Variants in MAP3K5 observed in about 807,000 individuals in gnomAD.
MAP3K5 encodes mitogen-activated protein kinase kinase kinase 5.
In MAP3K5, 56 loss-of-function variants were observed where a neutral mutation model predicts 158.7. The observed-to-expected ratio is 0.35, with a 90% confidence interval of 0.28 to 0.44. The LOEUF is 0.44. MAP3K5 is among the 20% of genes least tolerant of loss of function. The pLI is 1.00. For synonymous variants in MAP3K5, 579 were observed against 601.7 expected (o/e 0.96, Z 0.55); for missense variants, 1,294 against 1,674.8 (o/e 0.77, Z 3.97).
chr6:136,732,746 C>T (rs1489723706), intron 1 of MAP3K5, among the ~76,000 whole-genome samples: 1 of 152,190 alleles, frequency 6.6e-6, no homozygotes, highest in African/African-American at 2.4e-5. Flanking sequence ...AGTAACAACG[C>T]TTACAACTAC....
intron 1 of MAP3K5, among the ~76,000 whole-genome samples, chr6:136,781,435 A>T (rs984118925): frequency 1.3e-5 from 2 of 152,242 alleles, no homozygotes; most frequent in Non-Finnish European, 2.9e-5. Context: ...TCGTGGAACA[A>T]AATATTAGAA....
At chr6:136,644,240 C>T (rs998134739) in intron 11 of MAP3K5, among the ~76,000 whole-genome samples, 13 of 152,170 alleles carry the variant, frequency 8.5e-5, no homozygotes, top group African/African-American at 2.7e-4. Flanking sequence ...TGCCAGGGAA[C>T]GTTCCATTTC....
intron 8 of MAP3K5, among the ~76,000 whole-genome samples, chr6:136,662,123 A>G (rs1462473138): frequency 6.6e-6 from 1 of 152,240 alleles, no homozygotes; most frequent in Non-Finnish European, 1.5e-5. Context: ...TTTATAATAC[A>G]GTTCTAAACG....
intron 7 of MAP3K5, among the ~76,000 whole-genome samples, chr6:136,684,515 T>C (rs535085130): frequency 8.5e-5 from 13 of 152,320 alleles, no homozygotes; most frequent in Admixed American, 3.9e-4. Context: ...TGTGGTCCTC[T>C]AAGGCATGGT....
chr6:136,759,089 T>C (rs1349365374), intron 1 of MAP3K5, among the ~76,000 whole-genome samples: 1 of 152,134 alleles, frequency 6.6e-6, no homozygotes, highest in Non-Finnish European at 1.5e-5. Flanking sequence ...AAGAATCACT[T>C]GAACCTGGGA....
intron 1 of MAP3K5, among the ~76,000 whole-genome samples, chr6:136,724,013 C>T (rs1781851998): frequency 6.6e-6 from 1 of 152,140 alleles, no homozygotes; most frequent in South Asian, 2.1e-4. Context: ...CAGGTGCCAG[C>T]CACTCAGCAG....
intron 15 of MAP3K5, among the ~76,000 whole-genome samples, chr6:136,614,777 C>T (rs985983388): frequency 6.6e-6 from 1 of 152,148 alleles, no homozygotes; most frequent in Admixed American, 6.5e-5. Context: ...GAGACTCTTG[C>T]CCAGGAAGAC....
chr6:136,737,161 T>C lies in MAP3K5; in HGVS notation c.449-16572A>G, dbSNP rs564911101. 4.0e-5 allele frequency among the ~76,000 whole-genome samples: 6 copies of C among 151,758 alleles called. No homozygotes were observed. The South Asian group carries it at 1.3e-3, about 32-fold the overall frequency. The stretch of plus-strand genomic sequence containing the variant: ...AGTACAGAAAACCAAATTCTGCATG[T>C]TCTCACTTGTAAATGACAGCTAAAC... On this transcript the variant is annotated intron_variant, in intron 1 of 29. Coordinates refer to ENST00000359015, the MANE Select transcript of MAP3K5 (RefSeq NM_005923.4).
intron 12 of MAP3K5, among the ~76,000 whole-genome samples, chr6:136,640,479 A>G (rs1295918434): frequency 6.6e-6 from 1 of 152,168 alleles, no homozygotes; most frequent in Non-Finnish European, 1.5e-5. Context: ...TTTTAAAAGA[A>G]ACTCTATTCA....
intron 1 of MAP3K5, among the ~76,000 whole-genome samples, chr6:136,730,167 G>GT (rs199549908): frequency 1.4e-5 from 1 of 73,442 alleles, no homozygotes; most frequent in Non-Finnish European, 3.1e-5. Context: ...TTTTTTTTTT[G>GT]TTTTTTGTTT....
chr6:136,736,600 ACTGACTAT>A (rs1345486436), intron 1 of MAP3K5, among the ~76,000 whole-genome samples: 1 of 152,210 alleles, frequency 6.6e-6, no homozygotes, highest in East Asian at 1.9e-4. Context: ...GCTGGACTTC[ACTGACTAT>A]AATGAAAGAG....
intron 19 of MAP3K5, among the ~76,000 whole-genome samples, chr6:136,604,011 G>A (rs1052403721): frequency 6.6e-6 from 1 of 152,142 alleles, no homozygotes; most frequent in African/African-American, 2.4e-5. Flanking sequence ...GCAGGGAGAG[G>A]AATAACAATT....
At chr6:136,559,902 G>A (rs1830431351) in intron 28 of MAP3K5, among the ~76,000 whole-genome samples, 1 of 152,044 alleles carries the variant, frequency 6.6e-6, no homozygotes, top group African/African-American at 2.4e-5. Flanking sequence ...TCCTTAATTA[G>A]GATTTGAGCC....
At chr6:136,696,543 G>C (rs2114667038) in intron 5 of MAP3K5, among the ~76,000 whole-genome samples, 1 of 152,324 alleles carries the variant, frequency 6.6e-6, no homozygotes, top group South Asian at 2.1e-4. Context: ...ATGTGAGTCT[G>C]TCTTGAGCAC....
intron 1 of MAP3K5, among the ~76,000 whole-genome samples, chr6:136,787,214 G>A (rs531223945): frequency 1.3e-5 from 2 of 152,054 alleles, no homozygotes; most frequent in Non-Finnish European, 2.9e-5. Flanking sequence ...AAGGAAAAAA[G>A]CAAACAAAAA....
chr6:136,764,308 G>A (rs1473227394), intron 1 of MAP3K5, among the ~76,000 whole-genome samples: 2 of 152,160 alleles, frequency 1.3e-5, no homozygotes, highest in Non-Finnish European at 2.9e-5. Context: ...ATAATGTTCT[G>A]AGAATTTCGA....
At chr6:136,657,812 TCAGA>T (rs1241995844) in intron 9 of MAP3K5, among the ~76,000 whole-genome samples, 1 of 152,294 alleles carries the variant, frequency 6.6e-6, no homozygotes, top group East Asian at 1.9e-4. Context: ...CAGCACGTGC[TCAGA>T]CACTCATGCA....
chr6:136,713,148 A>T lies in MAP3K5; in HGVS notation c.588+7302T>A, dbSNP rs142269389. On this transcript the variant is annotated intron_variant, in intron 2 of 29. Transcript: ENST00000359015. ...CATTTATATAGCATAAGTGAAAATA[A>T]AGATAATTCAGCAAGGCTTGCCCCA... Among the ~76,000 whole-genome samples the T allele has an allele frequency of 1.8e-3, 273 of 152,348 alleles. 3 individuals are homozygous for T. The highest frequency in any genetic ancestry group is 6.1e-3 in the African/African-American group (253 of 41,586).
At chr6:136,759,018 CAA>C (rs1173303392) in intron 1 of MAP3K5, among the ~76,000 whole-genome samples, 5 of 152,102 alleles carry the variant, frequency 3.3e-5, no homozygotes, top group African/African-American at 9.6e-5. Flanking sequence ...ATCAAAAATA[CAA>C]AAAAGTAGCC....
Sources: allele counts gnomAD v4.1 joint callset (sites outside exome capture counted in the v4.1 genomes callset), GRCh38; gene constraint gnomAD v4.1.1; transcripts MANE v1.5; gene names NCBI Gene and HGNC (gene_info 2026-07-23, HGNC 2026-07-21).